The following L3MBTL4 variants were observed in gnomAD, a reference collection of about 807,000 sequenced individuals.
L3MBTL4 encodes lethal(3)malignant brain tumor-like protein 4.
Under a neutral mutation model 84.5 loss-of-function variants are expected in L3MBTL4, and 70 were observed. The observed-to-expected ratio is 0.83, with a 90% CI of 0.68 to 1.01. The LOEUF (loss-of-function observed/expected upper bound fraction) is 1.01, where lower values mean the gene tolerates loss of function less well. Ranked by LOEUF, L3MBTL4 falls within the 50% of genes least tolerant of loss-of-function variation. L3MBTL4 has a pLI of 0.00. For missense variants in L3MBTL4, 715 were observed against 754.8 expected (o/e 0.95, Z 0.62); for synonymous variants, 274 against 259.8 (o/e 1.05, Z -0.52).
Position 6,262,104 on chromosome 18 carries a change from C to T in L3MBTL4, c.219+1843G>A, listed in dbSNP as rs559759640. Among the ~76,000 whole-genome samples the T allele has an allele frequency of 1.2e-4, 18 of 152,306 alleles. No homozygotes were observed. In the South Asian group the frequency reaches 2.9e-3, roughly 25 times the overall value. On this transcript the variant is annotated intron_variant, in intron 5 of 18. Transcript: ENST00000317931. ...ATGTTCTTTGGCTCAACCTCAAATC[C>T]TGGACCTTGACCCCGCTACCTCTGC... is the stretch of plus-strand genomic sequence containing the variant.
intron 16 of L3MBTL4, among the ~76,000 whole-genome samples, chr18:6,020,160 G>C (rs1356440800): frequency 6.6e-6 from 1 of 152,148 alleles, no homozygotes; most frequent in African/African-American, 2.4e-5. Context: ...TAGGATTTAT[G>C]AGATTAACCA....
chr18:6,165,439 G>A (rs919327628), intron 13 of L3MBTL4, among the ~76,000 whole-genome samples: 5 of 152,238 alleles, frequency 3.3e-5, no homozygotes, highest in East Asian at 1.9e-4. Flanking sequence ...GAGAAAGGTC[G>A]GGTTACCCAC....
At chr18:6,386,459 C>T (rs1388998628) in intron 1 of L3MBTL4, among the ~76,000 whole-genome samples, 3 of 152,236 alleles carry the variant, frequency 2.0e-5, no homozygotes, top group African/African-American at 7.2e-5. Flanking sequence ...ACGCACTGTG[C>T]TGGGCACTGC....
chr18:6,078,177 A>C (rs1360906459), intron 16 of L3MBTL4, among the ~76,000 whole-genome samples: 2 of 151,342 alleles, frequency 1.3e-5, no homozygotes, highest in African/African-American at 4.9e-5. Context: ...CTGTAATCCC[A>C]GCACTTTGGG....
At chr18:6,152,426 C>T (rs1397403697) in intron 13 of L3MBTL4, among the ~76,000 whole-genome samples, 1 of 152,074 alleles carries the variant, frequency 6.6e-6, no homozygotes, top group African/African-American at 2.4e-5. Context: ...TAACAATCAT[C>T]CTAACAGGTG....
At chr18:5,996,986 T>TGTCAGTGGGCCTCACTGACAAATGCATG (rs1567964313) in intron 16 of L3MBTL4, among the ~76,000 whole-genome samples, 5 of 151,160 alleles carry the variant, frequency 3.3e-5, no homozygotes, top group African/African-American at 9.9e-5. Context: ...GGGTGCATTT[T>TGTCAGTGGGCCTCACTGACAAATGCATG]AGAAGCACAA....
intron 1 of L3MBTL4, among the ~76,000 whole-genome samples, chr18:6,375,818 C>T (rs775128448): frequency 1.2e-4 from 18 of 152,150 alleles, no homozygotes; most frequent in Non-Finnish European, 1.6e-4. Context: ...AGGGCCTGGC[C>T]TGGATGTCAA....
intron 1 of L3MBTL4, among the ~76,000 whole-genome samples, chr18:6,371,273 G>T (rs973413733): frequency 1.3e-5 from 2 of 152,198 alleles, no homozygotes; most frequent in Non-Finnish European, 2.9e-5. Context: ...CCTGTACTGT[G>T]AGCTGATGAA....
chr18:6,385,283 T>G (rs905722704), intron 1 of L3MBTL4, among the ~76,000 whole-genome samples: 3 of 152,062 alleles, frequency 2.0e-5, no homozygotes, highest in African/African-American at 7.3e-5. Context: ...GTGCCTGTAG[T>G]CCCAGCTACT....
At chr18:6,391,025 CA>C (rs201331375) in intron 1 of L3MBTL4, among the ~76,000 whole-genome samples, 16 of 150,302 alleles carry the variant, frequency 1.1e-4, no homozygotes, top group Admixed American at 1.3e-4. Flanking sequence ...AAGGACATAA[CA>C]AAAAAAAACA....
intron 17 of L3MBTL4, among the ~76,000 whole-genome samples, chr18:5,963,053 G>A (rs2052143875): frequency 6.6e-6 from 1 of 152,202 alleles, no homozygotes; most frequent in Non-Finnish European, 1.5e-5. Flanking sequence ...AGTGTCATAG[G>A]AGGAAATAAT....
intron 16 of L3MBTL4, among the ~76,000 whole-genome samples, chr18:6,023,084 A>AG (rs149277908): frequency 0.036 from 5,416 of 152,322 alleles, 322 homozygotes; most frequent in African/African-American, 0.12. Flanking sequence ...CATGCCTGGT[A>AG]GGAGGCCAGA....
At chr18:6,344,425 T>C (rs1262664012) in intron 1 of L3MBTL4, among the ~76,000 whole-genome samples, 1 of 152,176 alleles carries the variant, frequency 6.6e-6, no homozygotes, top group African/African-American at 2.4e-5. Flanking sequence ...AAGCCCAGTA[T>C]CTGGTCACTT....
rs185232931 is a variant in L3MBTL4, at chr18:6,085,314, T to C, written c.1374-4363A>G. On this transcript the variant is annotated intron_variant, in intron 15 of 18. Coordinates refer to ENST00000317931, the MANE Select transcript of L3MBTL4 (RefSeq NM_001330559.2). ...CAATGCAGTTGTTAAAAATAATGCA[T>C]TGGGTCTGTTTGTGTTGATATGACA... 2.1e-3 allele frequency among the ~76,000 whole-genome samples: 316 copies of C among 152,320 alleles called. 1 individual carries two copies. Among genetic ancestry groups the C allele is most frequent in the African/African-American group, 7.0e-3 (291 of 41,556 alleles).
rs2047445487 is a variant in L3MBTL4, at chr18:6,241,416, T to C, written c.494A>G (p.Tyr165Cys). ...YRKDKFVWMD[Y>C]LKACKLQNAP... is the part of the protein sequence containing the mutation. ...ATTTTGCAATTTGCAGGCCTTCAAG[T>C]AATCCATCCAAACAAATTTATCTTT... Residue 165 changes from tyrosine (Y) to cysteine (C), a missense_variant, in exon 8 of 19, where the codon TAC becomes TGC. Physicochemically the swap from Tyr to Cys is radical, Grantham distance 194. Transcript: ENST00000317931. 6.2e-7 allele frequency: 1 copy of C among 1,602,708 alleles called. No individual in the cohort carries two copies. Among genetic ancestry groups the C allele is most frequent in the African/African-American group, 1.3e-5 (1 of 74,690 alleles).
At chr18:6,196,779 A>T (rs895377465) in intron 12 of L3MBTL4, among the ~76,000 whole-genome samples, 1 of 152,202 alleles carries the variant, frequency 6.6e-6, no homozygotes. Flanking sequence ...ATGAGGCTGG[A>T]GAAGCAGGAG....
rs1261475809 is a variant in L3MBTL4 at position 6,295,346 on chromosome 18, C to CTCTCTATA, written c.127+6556_127+6557insTATAGAGA. On this transcript the variant is annotated intron_variant, in intron 4 of 18. Transcript: ENST00000317931. ...TCTCTCTCTCTCTCTCTCTCTCTCTCTATATATATATATATATATATATAT... is the reference window on the plus strand; with the variant it reads ...TCTCTCTCTCTCTCTCTCTCTCTCTCTCTCTATATATATATATATATATATATATATAT... 1.0e-3 allele frequency among the ~76,000 whole-genome samples: 81 copies of CTCTCTATA among 81,374 alleles called. 1 individual carries two copies. The highest frequency in any genetic ancestry group is 7.6e-3 in the Middle Eastern group (1 of 132). The allele number at this position is 81,374 out of a possible 152,430, so 53.4% of individuals were successfully genotyped here. A position where few individuals can be genotyped will look rare whatever the true frequency, so the allele number is the denominator to read the frequency against.
rs1355214046 is a variant in L3MBTL4, at chr18:6,305,331, C to T, written c.73-3374G>A. Among the ~76,000 whole-genome samples the T allele has an allele frequency of 3.3e-5, 5 of 152,114 alleles. No homozygotes were observed. In the East Asian group the frequency reaches 9.7e-4, roughly 29 times the overall value. On this transcript the variant is annotated intron_variant, in intron 3 of 18. Transcript: ENST00000317931. ...CCTACATTCTCTAGACCTGATTTTT[C>T]TCATCTGTTAAAATAAAGAAATTGG...
chr18:6,198,558 A>G (rs769082470), intron 12 of L3MBTL4, among the ~76,000 whole-genome samples: 2 of 152,200 alleles, frequency 1.3e-5, no homozygotes, highest in Non-Finnish European at 2.9e-5. Context: ...ATTTTTCTTC[A>G]CGTTCCTTTG....
Sources: gnomAD v4.1 joint callset for allele counts (sites outside exome capture counted in the v4.1 genomes callset) on GRCh38, gnomAD v4.1.1 for gene constraint, MANE v1.5 for transcripts, NCBI Gene and HGNC (gene_info 2026-07-23, HGNC 2026-07-21) for gene names.